The following DRC9 variants were observed in gnomAD, a reference collection of about 807,000 sequenced individuals.
DRC9 encodes the protein dynein regulatory complex subunit 9, also known as dynein regulatory complex protein 9.
At chr3:197,951,525 G>C in the DRC9 span, 6 of 543,130 alleles carry the variant, frequency 1.1e-5, no homozygotes, top group Non-Finnish European at 2.0e-5. Flanking sequence ...GCTAGTTTTT[G>C]TATTATTAGT....
chr3:197,893,687 C>CAAA, the DRC9 span, among the ~76,000 whole-genome samples: 40 of 124,356 alleles, frequency 3.2e-4, no homozygotes, highest in African/African-American at 1.1e-3. Context: ...ACTAAAACTA[C>CAAA]AAAAAAAAAA....
the DRC9 span, among the ~76,000 whole-genome samples, chr3:197,906,019 TA>T: frequency 0.18 from 26,067 of 146,772 alleles, 2,589 homozygotes; most frequent in African/African-American, 0.28. Flanking sequence ...AGTTGATGAT[TA>T]AAAAAAAAAA....
chr3:197,942,194 T>C, the DRC9 span, among the ~76,000 whole-genome samples: 1 of 151,994 alleles, frequency 6.6e-6, no homozygotes, highest in African/African-American at 2.4e-5. Flanking sequence ...CCCAAACGTC[T>C]CCTGACTCCA....
At chr3:197,943,826 C>T in the DRC9 span, 1 of 1,614,144 alleles carries the variant, frequency 6.2e-7, no homozygotes, top group South Asian at 1.1e-5. Context: ...TGATGTAGTT[C>T]AGAATAGAGA....
chr3:197,943,729 G>A, the DRC9 span: 2 of 1,495,634 alleles, frequency 1.3e-6, no homozygotes, highest in Admixed American at 3.6e-5. Flanking sequence ...ATAAATGAGG[G>A]AGAAATAAAA....
At chr3:197,919,714 G>A in the DRC9 span, among the ~76,000 whole-genome samples, 2 of 152,202 alleles carry the variant, frequency 1.3e-5, no homozygotes, top group South Asian at 4.1e-4. Flanking sequence ...TTTAATGGTA[G>A]TGTCTGCTTT....
chr3:197,940,575 T>C, the DRC9 span, among the ~76,000 whole-genome samples: 78 of 152,120 alleles, frequency 5.1e-4, no homozygotes, highest in Non-Finnish European at 8.7e-4. Flanking sequence ...AATGCTAATC[T>C]TTCCTCTCAA....
the DRC9 span, among the ~76,000 whole-genome samples, chr3:197,946,273 A>C: frequency 4.0e-5 from 6 of 151,848 alleles, no homozygotes; most frequent in Non-Finnish European, 8.8e-5. Context: ...GTCTCTACTA[A>C]AAATACAAAA....
the DRC9 span, among the ~76,000 whole-genome samples, chr3:197,942,836 A>G: frequency 6.8e-6 from 1 of 146,820 alleles, no homozygotes; most frequent in Non-Finnish European, 1.5e-5. Context: ...TGAACCCGGG[A>G]GGCGGAGGTT....
At chr3:197,894,052 A>G in the DRC9 span, among the ~76,000 whole-genome samples, 2 of 152,236 alleles carry the variant, frequency 1.3e-5, no homozygotes, top group African/African-American at 4.8e-5. Flanking sequence ...TATTTAAGCT[A>G]TGTGATAGTT....
At chr3:197,927,699 GAAAC>G in the DRC9 span, among the ~76,000 whole-genome samples, 1 of 152,084 alleles carries the variant, frequency 6.6e-6, no homozygotes, top group Non-Finnish European at 1.5e-5. Context: ...AAGGTTTATT[GAAAC>G]AAACAAATAT....
At chr3:197,924,274 G>A in the DRC9 span, among the ~76,000 whole-genome samples, 1 of 151,590 alleles carries the variant, frequency 6.6e-6, no homozygotes, top group Non-Finnish European at 1.5e-5. Context: ...CAGGAGAATC[G>A]CTTAAACCCA....
At chr3:197,942,614 T>C in the DRC9 span, among the ~76,000 whole-genome samples, 1 of 151,956 alleles carries the variant, frequency 6.6e-6, no homozygotes, top group South Asian at 2.1e-4. Context: ...GGTCATAGAA[T>C]CAGACATAAG....
the DRC9 span, among the ~76,000 whole-genome samples, chr3:197,942,790 TCC>T: frequency 6.7e-6 from 1 of 148,888 alleles, no homozygotes. Flanking sequence ...GGTGGCGTAA[TCC>T]CAGCACTTGG....
the DRC9 span, among the ~76,000 whole-genome samples, chr3:197,898,718 G>T: frequency 6.6e-6 from 1 of 152,146 alleles, no homozygotes; most frequent in African/African-American, 2.4e-5. Context: ...GATCTTGTGA[G>T]AACTCACTCA....
the DRC9 span, chr3:197,955,731 T>C: frequency 6.3e-7 from 1 of 1,590,818 alleles, no homozygotes; most frequent in Non-Finnish European, 8.6e-7. Context: ...TAATGTTTTG[T>C]GTTCTTTTTT....
At chr3:197,948,458 C>T in the DRC9 span, among the ~76,000 whole-genome samples, 3 of 152,202 alleles carry the variant, frequency 2.0e-5, no homozygotes, top group Non-Finnish European at 4.4e-5. Context: ...ATGAAAGCAG[C>T]AACATGACAA....
the DRC9 span, among the ~76,000 whole-genome samples, chr3:197,932,948 TATTA>T: frequency 8.8e-6 from 1 of 113,278 alleles, no homozygotes; most frequent in Admixed American, 9.1e-5. Context: ...GTATAATATA[TATTA>T]TATATTATTA....
chr3:197,923,444 T>G, the DRC9 span, among the ~76,000 whole-genome samples: 1 of 152,180 alleles, frequency 6.6e-6, no homozygotes, highest in African/African-American at 2.4e-5. Flanking sequence ...TACAATATTC[T>G]CAGGCCCAGT....
Sources: allele counts gnomAD v4.1 joint callset (sites outside exome capture counted in the v4.1 genomes callset), GRCh38; gene constraint gnomAD v4.1.1; transcripts MANE v1.5; gene names NCBI Gene and HGNC (gene_info 2026-07-23, HGNC 2026-07-21).